Variants in POLD1 observed in about 807,000 individuals in gnomAD.
The protein encoded by POLD1 is DNA polymerase delta catalytic subunit.
POLD1 carries 79 observed loss-of-function variants against 129.7 expected under a neutral mutation model. That is an observed-to-expected ratio of 0.61 (90% CI 0.51 to 0.73). The LOEUF (loss-of-function observed/expected upper bound fraction) is 0.73, where lower values mean the gene tolerates loss of function less well. Among genes scored for constraint, POLD1 ranks in the 30% least tolerant of loss-of-function variants. The pLI is 0.00. For synonymous variants in POLD1, 714 were observed against 683.3 expected, an observed-to-expected ratio of 1.04 and a Z score of -0.70; for missense variants, 1,338 against 1,595.8, an observed-to-expected ratio of 0.84 and a Z score of 2.75.
At position 50,406,392 on chromosome 19, in the gene POLD1, C is replaced by A. The variant is rs2122324980; in HGVS notation, c.1384-15C>A. On this transcript the variant is annotated splice_polypyrimidine_tract_variant and intron_variant, in intron 11 of 26. Transcript: ENST00000440232. This position sits in a 1 kb window ranked among gnomAD's most constrained non-coding sequence, Gnocchi z 5.5. ...TGCCCAGGCCCGCAGCCCACCAGCC[C>A]ACCCACCCACCTAGGTGCTGCTGCG... 1 of 1,606,300 alleles carries A rather than the reference C, an allele frequency of 6.2e-7. No individual in the cohort carries two copies. The highest frequency in any genetic ancestry group is 8.5e-7 in the Non-Finnish European group (1 of 1,175,924).
At position 50,401,893 on chromosome 19, in the gene POLD1, C is replaced by T. The variant is rs550836711; in HGVS notation, c.432C>T (p.Phe144=). The change falls in exon 4 of 27, where the codon TTC becomes TTT. Residue 144 remains phenylalanine, a synonymous_variant. Coordinates refer to ENST00000440232, the MANE Select transcript of POLD1 (RefSeq NM_002691.4). ...CTGTCTGCTGCCACATCCACGGCTT[C>T]GCTCCCTACTTCTACACCCCAGCGC... ...GFSVCCHIHG[F]APYFYTPAPP... 39 of 1,614,042 alleles carry T rather than the reference C, an allele frequency of 2.4e-5. No homozygotes were observed. Among genetic ancestry groups the T allele is most frequent in the African/African-American group, 1.5e-4 (11 of 75,026 alleles).
In POLD1 at chr19:50,417,071, C is replaced by T. The variant is rs760766848; in HGVS notation, c.3094C>T (p.Arg1032Trp). The change falls in exon 25 of 27, where the codon CGG becomes TGG. Residue 1032 changes from arginine (R) to tryptophan (W), a missense_variant. Physicochemically the swap from Arg to Trp is moderately radical, Grantham distance 101. Around this residue, in one of 3 missense-constraint regions of POLD1, gnomAD observed 286 missense variants for 277.5 expected, o/e 1.03. Transcript: ENST00000440232. Reference sequence around the variant, plus strand: ...AGCCGTGTGTGAGTTCTGCCAGCCCCGGGAGTCTGAGCTGTATCAGAAGGA... The same window carrying T: ...AGCCGTGTGTGAGTTCTGCCAGCCCTGGGAGTCTGAGCTGTATCAGAAGGA... ...QGAVCEFCQP[R>W]ESELYQKEVS... The T allele has an allele frequency of 1.5e-5, 23 of 1,553,674 alleles. No homozygotes were observed. Among genetic ancestry groups the T allele is most frequent in the East Asian group, 9.7e-5 (4 of 41,254 alleles).
intron 10 of POLD1, among the ~76,000 whole-genome samples, chr19:50,404,882 C>T (rs891188718): frequency 6.6e-6 from 1 of 152,154 alleles, no homozygotes; most frequent in African/African-American, 2.4e-5. Context: ...ATTCTCCTGC[C>T]TCAGCCTCCC....
intron 1 of POLD1, among the ~76,000 whole-genome samples, chr19:50,396,062 TA>T (rs2038352035): frequency 1.4e-5 from 2 of 147,966 alleles, no homozygotes; most frequent in African/African-American, 2.6e-5. Flanking sequence ...GTTTGGGTTT[TA>T]ATTGTTGTTG....
Position 50,402,654 on chromosome 19 carries a change from G to C in POLD1, c.883G>C (p.Val295Leu), listed in dbSNP as rs199545019. The change falls in exon 8 of 27, where the codon GTG becomes CTG. Residue 295 changes from valine (V) to leucine (L), a missense_variant. Physicochemically the swap from Val to Leu is conservative, Grantham distance 32. Around this residue, in one of 3 missense-constraint regions of POLD1, gnomAD observed 720 missense variants for 1,002.6 expected, o/e 0.72. Transcript: ENST00000440232. ...QLEADVLWSD[V>L]VSHPPEGPWQ... ...GGAGGCGGACGTGCTGTGGTCTGAC[G>C]TGGTCAGTCACCCACCGGAAGGGCC... is the stretch of plus-strand genomic sequence containing the variant. 1 of 1,591,386 alleles carries C rather than the reference G, an allele frequency of 6.3e-7. No homozygotes were observed. The highest frequency in any genetic ancestry group is 8.6e-7 in the Non-Finnish European group (1 of 1,168,226).
intron 19 of POLD1, 67 bp downstream of exon 19, chr19:50,413,946 T>C (rs2039185500): frequency 2.0e-6 from 3 of 1,472,082 alleles, no homozygotes; most frequent in Middle Eastern, 1.9e-4. Flanking sequence ...TGTCCCGTTC[T>C]TTGGGTTCAC....
In POLD1 at chr19:50,413,378, T is replaced by C. The variant is rs533757580; in HGVS notation, c.2155-48T>C. 26 of 1,538,848 alleles carry C rather than the reference T, an allele frequency of 1.7e-5. No homozygotes were observed. In the South Asian group the frequency reaches 1.9e-4, roughly 11 times the overall value. On this transcript the variant is annotated intron_variant, in intron 17 of 26. Transcript: ENST00000440232. ...CCCTCCCCCGCCGGCCCACGTTCAC[T>C]GCACATGGCCCCCAGGGCTTCACTC...
chr19:50,412,764 T>TTG (rs71707090), intron 17 of POLD1, among the ~76,000 whole-genome samples: 2,736 of 150,518 alleles, frequency 0.018, 78 homozygotes, highest in African/African-American at 0.062. Flanking sequence ...TTTTTTAGTT[T>TTG]TGTGTGTGTG....
chr19:50,395,659 A>G lies in POLD1; in HGVS notation c.-1-3192A>G, dbSNP rs3219344. The stretch of plus-strand genomic sequence containing the variant: ...ATCACCTGTTTCAACATTCTGTCCT[A>G]TTTATGATTTGCATGGATGTTTCTT... On this transcript the variant is annotated intron_variant, in intron 1 of 26. Transcript: ENST00000440232. Among the ~76,000 whole-genome samples, 1,206 of 151,640 alleles carry G rather than the reference A, an allele frequency of 8.0e-3. 13 individuals are homozygous for G. The highest frequency in any genetic ancestry group is 0.028 in the African/African-American group (1,155 of 41,384).
In POLD1 at chr19:50,416,312, T is replaced by TAAGCCCCAGGCCCC. The variant is rs2039287663; in HGVS notation, c.2821-82_2821-69dup. 4.8e-6 allele frequency: 7 copies of TAAGCCCCAGGCCCC among 1,446,802 alleles called. No homozygotes were observed. The Admixed American group carries it at 1.4e-4, about 29-fold the overall frequency. 89.6% of individuals were successfully genotyped at this position (1,446,802 alleles called of 1,614,324 possible). A position where few individuals can be genotyped will look rare whatever the true frequency, so the allele number is the denominator to read the frequency against. On this transcript the variant is annotated intron_variant, in intron 22 of 26. Transcript: ENST00000440232. ...ACAGCCCGCAGGCAGGCCTAGGCCC[T>TAAGCCCCAGGCCCC]AAGCCCCAGGCCCCATGACCACCCC...
rs1057521209 is a variant in POLD1, at chr19:50,415,766, C to G, written c.2760C>G (p.Asp920Glu). 3 of 1,570,836 alleles carry G rather than the reference C, an allele frequency of 1.9e-6. No individual in the cohort carries two copies. In the African/African-American group the frequency reaches 4.0e-5, roughly 21 times the overall value. ...RDPGSAPSLG[D>E]RVPYVIISAA... ...CCGGGAGTGCGCCCAGCCTGGGCGA[C>G]CGCGTCCCCTACGTGATCATCAGTG... Residue 920 changes from aspartate to glutamate, a missense_variant, in exon 22 of 27, where the codon GAC becomes GAG. Physicochemically the swap from Asp to Glu is conservative, Grantham distance 45. Coordinates refer to ENST00000440232, the MANE Select transcript of POLD1 (RefSeq NM_002691.4).
chr19:50,409,397 TG>T lies in POLD1; in HGVS notation c.2007-120del. On this transcript the variant is annotated intron_variant, in intron 16 of 26. Transcript: ENST00000440232. This position sits in a 1 kb window ranked among gnomAD's most constrained non-coding sequence, Gnocchi z 5.8. ...TCCTGGCAGCTTCCTTTTGCCCCCT[TG>T]GCCAGAAGCTTCTGTGCAGTGCACA... is the stretch of plus-strand genomic sequence containing the variant. 1 of 1,426,932 alleles carries T rather than the reference TG, an allele frequency of 7.0e-7. No individual in the cohort carries two copies. The highest frequency in any genetic ancestry group is 9.7e-7 in the Non-Finnish European group (1 of 1,031,254). 88.4% of individuals were successfully genotyped at this position (1,426,932 alleles called of 1,614,324 possible).
chr19:50,402,060 C>T lies in POLD1; in HGVS notation c.525C>T (p.Asp175=), dbSNP rs775285603. Reference sequence around the variant, plus strand: ...AGCTGAACTTGGCCATCAGCCGGGACAGTCGCGGGGGGAGGGAGCTGACTG... The same window carrying T: ...AGCTGAACTTGGCCATCAGCCGGGATAGTCGCGGGGGGAGGGAGCTGACTG... The part of the protein sequence containing the change: ...QRELNLAISR[D]SRGGRELTGP... The change falls in exon 5 of 27, where the codon GAC becomes GAT. Residue 175 remains aspartate (D), a synonymous_variant. Transcript: ENST00000440232. 11 of 1,614,058 alleles carry T rather than the reference C, an allele frequency of 6.8e-6. No individual in the cohort carries two copies. The highest frequency in any genetic ancestry group is 7.6e-6 in the Non-Finnish European group (9 of 1,179,978).
In POLD1 at chr19:50,406,352, T is replaced by C. The variant is rs1429575910; in HGVS notation, c.1383+30T>C. On this transcript the variant is annotated intron_variant, in intron 11 of 26. Coordinates refer to ENST00000440232, the MANE Select transcript of POLD1 (RefSeq NM_002691.4). This position sits in a 1 kb window ranked among gnomAD's most constrained non-coding sequence, Gnocchi z 5.5. ...GGGCGGGAGGTGGGGTGTGTCCCTG[T>C]CCTTGGAAGGCCACTGCCCAGGCCC... The C allele has an allele frequency of 6.2e-7, 1 of 1,612,574 alleles. No individual in the cohort carries two copies. The highest frequency in any genetic ancestry group is 1.3e-5 in the African/African-American group (1 of 74,870).
rs1436876851 is a variant in POLD1 at position 50,407,330 on chromosome 19, A to T, written c.1690A>T (p.Met564Leu). ...KVVSQLLRQA[M>L]HEGLLMPVVK... ...TTCCCACCTTCTCCCCTCCCAGGCC[A>T]TGCACGAGGGGCTGCTGATGCCCGT... Residue 564 changes from methionine to leucine, a missense_variant, in exon 14 of 27, where the codon ATG (methionine) becomes TTG (leucine). Around this residue, in one of 3 missense-constraint regions of POLD1, gnomAD observed 720 missense variants for 1,002.6 expected, o/e 0.72. Transcript: ENST00000440232. The T allele has an allele frequency of 3.1e-6, 5 of 1,611,896 alleles. No individual in the cohort carries two copies. The highest frequency in any genetic ancestry group is 4.2e-6 in the Non-Finnish European group (5 of 1,178,868).
rs3218771 is a variant in POLD1 at position 50,406,109 on chromosome 19, T to C, written c.1243-73T>C. 778 of 1,551,298 alleles carry C rather than the reference T, an allele frequency of 5.0e-4. 8 individuals are homozygous for C. In the African/African-American group the frequency reaches 9.9e-3, roughly 20 times the overall value. ...GTTGTTATAAGGATGTTGTGGTTGG[T>C]CTCAATCTCCGTTCTTCAGGCTTAT... On this transcript the variant is annotated intron_variant, in intron 10 of 26. Coordinates refer to ENST00000440232, the MANE Select transcript of POLD1 (RefSeq NM_002691.4). The surrounding 1 kb of genome is among the most constrained non-coding windows in gnomAD (Gnocchi z 5.5).
chr19:50,402,852 C>G, intron 8 of POLD1, 111 bp downstream of exon 8: 1 of 1,424,780 alleles, frequency 7.0e-7, no homozygotes, highest in Non-Finnish European at 9.5e-7. Context: ...GGGGCAGGAG[C>G]ACCCCAGCCC....
rs973646375 is a variant in POLD1 at position 50,414,901 on chromosome 19, C to G, written c.2475C>G (p.Asp825Glu). Reference sequence around the variant, plus strand: ...GGCCCGACGCCCACGACCGCATGGACTGCAAGGGCCTGGAGGCCGTGCGCA... The same window carrying G: ...GGCCCGACGCCCACGACCGCATGGAGTGCAAGGGCCTGGAGGCCGTGCGCA... The part of the protein sequence containing the change: ...SSRPDAHDRM[D>E]CKGLEAVRRD... The change falls in exon 20 of 27, where the codon GAC (aspartate) becomes GAG (glutamate). Residue 825 changes from aspartate (D) to glutamate (E), a missense_variant. By Grantham distance (45) the Asp-to-Glu change is conservative. Coordinates refer to ENST00000440232, the MANE Select transcript of POLD1 (RefSeq NM_002691.4). The G allele has an allele frequency of 3.1e-6, 5 of 1,610,582 alleles. No individual in the cohort carries two copies. The highest frequency in any genetic ancestry group is 4.2e-6 in the Non-Finnish European group (5 of 1,177,786).
intron 3 of POLD1, among the ~76,000 whole-genome samples, chr19:50,401,407 T>C (rs1298546498): frequency 2.4e-5 from 3 of 124,722 alleles, no homozygotes; most frequent in African/African-American, 9.8e-5. Flanking sequence ...TTTTTTTTTT[T>C]TTTTTTTTCT....
Sources: allele counts gnomAD v4.1 joint callset (sites outside exome capture counted in the v4.1 genomes callset), GRCh38; gene constraint gnomAD v4.1.1; regional missense constraint gnomAD v4.1.1; non-coding constraint Gnocchi (gnomAD v3.1); transcripts MANE v1.5; gene names NCBI Gene and HGNC (gene_info 2026-07-23, HGNC 2026-07-21).